BTG1: variants seen among roughly 807,000 people sequenced by gnomAD.
BTG1 encodes the protein BTG anti-proliferation factor 1, also known as protein BTG1.
In BTG1, 2 loss-of-function variants were observed where a neutral mutation model predicts 15.2. The ratio of observed to expected loss-of-function variants is 0.13; its 90% CI spans 0.05 to 0.41. BTG1 has a LOEUF of 0.41. Ranked by LOEUF, BTG1 falls within the 10% of genes least tolerant of loss-of-function variation. The pLI is 0.99. For missense variants in BTG1, 149 were observed against 215.0 expected (o/e 0.69, Z 1.92); for synonymous variants, 109 against 82.4 (o/e 1.32, Z -1.75).
chr12:92,143,930 A>ATT lies in BTG1; in HGVS notation c.*148_*149dup, dbSNP rs11377023. On this transcript the variant is annotated 3_prime_UTR_variant, in exon 2 of 2. Transcript: ENST00000256015. ...CCAAACTATGGCACTGTCACTTAAA[A>ATT]TTTTTTTTTTTTTTACCATTCTATC... 125,868 of 798,976 alleles carry ATT rather than the reference A, an allele frequency of 0.16. 2,611 individuals are homozygous for ATT. Among genetic ancestry groups the ATT allele is most frequent in the Non-Finnish European group, 0.18 (96,160 of 540,414 alleles). 49.5% of individuals were successfully genotyped at this position (798,976 alleles called of 1,614,324 possible). A position where few individuals can be genotyped will look rare whatever the true frequency, so the allele number is the denominator to read the frequency against.
intron 1 of BTG1, 115 bp downstream of exon 1, chr12:92,145,273 G>A (rs1210859735): frequency 1.1e-5 from 15 of 1,311,652 alleles, no homozygotes; most frequent in African/African-American, 1.6e-5. Context: ...GTCCCGCGGC[G>A]GGGCCCAAGC....
intron 1 of BTG1, 59 bp downstream of exon 1, chr12:92,145,329 C>T (rs1011043716): frequency 5.6e-6 from 8 of 1,432,262 alleles, no homozygotes; most frequent in Non-Finnish European, 7.4e-6. Flanking sequence ...GCCCCGACGG[C>T]CGGACTCTGA....
In BTG1 at chr12:92,144,162, C is replaced by T. The variant is rs1306870459; in HGVS notation, c.434G>A (p.Ser145Asn). Residue 145 changes from serine to asparagine, a missense_variant, in exon 2 of 2, where the codon AGC becomes AAC. Around this residue, in one of 3 missense-constraint regions of BTG1, gnomAD observed 52 missense variants for 57.4 expected, o/e 0.91. Transcript: ENST00000256015. The stretch of plus-strand genomic sequence containing the variant: ...AAGTTCCTCCTTACAGCTGATTCGG[C>T]TGTCTACCATTTGCACGTTGGTGCT... The part of the protein sequence containing the change: ...QNSTNVQMVD[S>N]RISCKEELLL... 8 of 1,614,180 alleles carry T rather than the reference C, an allele frequency of 5.0e-6. No homozygotes were observed. Among genetic ancestry groups the T allele is most frequent in the Middle Eastern group, 1.7e-4 (1 of 6,026 alleles).
In BTG1 at chr12:92,143,424, G is replaced by A. The variant is rs1870378312; in HGVS notation, c.*656C>T. On this transcript the variant is annotated 3_prime_UTR_variant, in exon 2 of 2. Transcript: ENST00000256015. ...AAGCTAGCAAATGTACAGAGAGCTGGCTGGTGCTAACACCACAGTTGAGAC... is the reference window on the plus strand; with the variant it reads ...AAGCTAGCAAATGTACAGAGAGCTGACTGGTGCTAACACCACAGTTGAGAC... 4.3e-6 allele frequency: 1 copy of A among 233,428 alleles called. No homozygotes were observed. Among genetic ancestry groups the A allele is most frequent in the Non-Finnish European group, 8.5e-6 (1 of 117,926 alleles). The allele number at this position is 233,428 out of a possible 1,614,324, so 14.5% of individuals were successfully genotyped here.
intron 1 of BTG1, 187 bp downstream of exon 1, chr12:92,145,201 C>T (rs1870504831): frequency 1.2e-6 from 1 of 857,448 alleles, no homozygotes; most frequent in Non-Finnish European, 1.6e-6. Flanking sequence ...GGGCGCCCTC[C>T]GTCCAGCCCC....
chr12:92,145,794 A>C lies in BTG1; in HGVS notation c.-259T>G. On this transcript the variant is annotated 5_prime_UTR_variant, in exon 1 of 2. Coordinates refer to ENST00000256015, the MANE Select transcript of BTG1 (RefSeq NM_001731.3). ...GACCTCCCCAGCTGCCTCCGCCTCC[A>C]GCTCCGCAGCATTCGAAGATCTCAA... 3.7e-6 allele frequency: 1 copy of C among 270,098 alleles called. No individual in the cohort carries two copies. The highest frequency in any genetic ancestry group is 7.0e-6 in the Non-Finnish European group (1 of 143,774). The allele number at this position is 270,098 out of a possible 1,614,324, so 16.7% of individuals were successfully genotyped here.
In BTG1 at chr12:92,145,662, A is replaced by G. The variant is rs1592658478; in HGVS notation, c.-127T>C. 1.8e-6 allele frequency: 1 copy of G among 564,476 alleles called. No individual in the cohort carries two copies. The highest frequency in any genetic ancestry group is 2.7e-6 in the Non-Finnish European group (1 of 372,980). The allele number at this position is 564,476 out of a possible 1,614,324, so 35.0% of individuals were successfully genotyped here. A position where few individuals can be genotyped will look rare whatever the true frequency, so the allele number is the denominator to read the frequency against. The stretch of plus-strand genomic sequence containing the variant: ...GAGGAAGAGAGGGCGTGAGGGGCGG[A>G]CGACTACTTTTGTCTTTCTTTCTTT... On this transcript the variant is annotated 5_prime_UTR_variant, in exon 1 of 2. Coordinates refer to ENST00000256015, the MANE Select transcript of BTG1 (RefSeq NM_001731.3).
Position 92,141,572 on chromosome 12 carries a change from A to T in BTG1, c.*2508T>A, listed in dbSNP as rs1176971323. On this transcript the variant is annotated 3_prime_UTR_variant, in exon 2 of 2. Coordinates refer to ENST00000256015, the MANE Select transcript of BTG1 (RefSeq NM_001731.3). ...ATTTTGAAAGTAGTCATCCTATCTT[A>T]AAAGGATTTATAATAAAATATTTCA... 4.3e-6 allele frequency: 1 copy of T among 231,056 alleles called. No individual in the cohort carries two copies. Among genetic ancestry groups the T allele is most frequent in the Non-Finnish European group, 8.6e-6 (1 of 116,768 alleles). 14.3% of individuals were successfully genotyped at this position (231,056 alleles called of 1,614,324 possible).
In BTG1 at chr12:92,143,693, C is replaced by A. The variant is rs886844627; in HGVS notation, c.*387G>T. 2.3e-5 allele frequency: 6 copies of A among 261,112 alleles called. No individual in the cohort carries two copies. The highest frequency in any genetic ancestry group is 1.3e-4 in the African/African-American group (6 of 45,560). 16.2% of individuals were successfully genotyped at this position (261,112 alleles called of 1,614,324 possible). A position where few individuals can be genotyped will look rare whatever the true frequency, so the allele number is the denominator to read the frequency against. Reference sequence around the variant, plus strand: ...AAGCTGCCGAAAAGGTTAACAATAACAACTTTCAAGTGTAATAGTGCAAAT... The same window carrying A: ...AAGCTGCCGAAAAGGTTAACAATAAAAACTTTCAAGTGTAATAGTGCAAAT... On this transcript the variant is annotated 3_prime_UTR_variant, in exon 2 of 2. Transcript: ENST00000256015.
chr12:92,145,602 G>T lies in BTG1; in HGVS notation c.-67C>A, dbSNP rs1049979. On this transcript the variant is annotated 5_prime_UTR_variant, in exon 1 of 2. It adds an upstream start codon to the 5' untranslated region. Transcript: ENST00000256015. ...GCGGCGCGGCCCCGACGGCGGAGCA[G>T]CCACCCCGGGCTTCCTCACCGGGCG... 2 of 1,167,968 alleles carry T rather than the reference G, an allele frequency of 1.7e-6. No individual in the cohort carries two copies. Among genetic ancestry groups the T allele is most frequent in the African/African-American group, 1.6e-5 (1 of 61,542 alleles). 72.4% of individuals were successfully genotyped at this position (1,167,968 alleles called of 1,614,324 possible). A position where few individuals can be genotyped will look rare whatever the true frequency, so the allele number is the denominator to read the frequency against.
rs1337013265 is a variant in BTG1 at position 92,140,639 on chromosome 12, CT to C, written c.*3440del. On this transcript the variant is annotated 3_prime_UTR_variant, in exon 2 of 2. Coordinates refer to ENST00000256015, the MANE Select transcript of BTG1 (RefSeq NM_001731.3). The stretch of plus-strand genomic sequence containing the variant: ...TCGGCTGGTATTACAAACTATCTTA[CT>C]GTAAAAGATTTTGTGATACTGTTAT... 2 of 231,926 alleles carry C rather than the reference CT, an allele frequency of 8.6e-6. No individual in the cohort carries two copies. The highest frequency in any genetic ancestry group is 6.1e-5 in the East Asian group (1 of 16,384). The allele number at this position is 231,926 out of a possible 1,614,324, so 14.4% of individuals were successfully genotyped here.
Position 92,145,447 on chromosome 12 carries a change from C to T in BTG1, c.89G>A (p.Gly30Glu). The T allele has an allele frequency of 1.3e-6, 2 of 1,592,274 alleles. No individual in the cohort carries two copies. The highest frequency in any genetic ancestry group is 1.7e-6 in the Non-Finnish European group (2 of 1,170,782). Residue 30 changes from glycine (G) to glutamate (E), a missense_variant, in exon 1 of 2, where the codon GGG (glycine) becomes GAG (glutamate). Gly to Glu is a moderately conservative substitution (Grantham distance 98, BLOSUM62 -2). Coordinates refer to ENST00000256015, the MANE Select transcript of BTG1 (RefSeq NM_001731.3). ...CTGCAGCTGTCGCTCGCTCGTGAGC[C>T]CCTTGGTGCGGAGAAACTTGGAGAT... Reference protein sequence around the residue: ...SFISKFLRTKGLTSERQLQTF... With the variant: ...SFISKFLRTKELTSERQLQTF...
chr12:92,144,453 G>C lies in BTG1; in HGVS notation c.149-6C>G, dbSNP rs200463735. 122 of 1,611,362 alleles carry C rather than the reference G, an allele frequency of 7.6e-5. No individual in the cohort carries two copies. Among genetic ancestry groups the C allele is most frequent in the Middle Eastern group, 3.3e-4 (2 of 6,054 alleles). On this transcript the variant is annotated splice_region_variant and splice_polypyrimidine_tract_variant and intron_variant, in intron 1 of 1. Transcript: ENST00000256015. Reference sequence around the variant, plus strand: ...CCAGTGATGTTTATAATGTTCTATAGAAGAAAAGAAGAACAGAGAAACAAC... The same window carrying C: ...CCAGTGATGTTTATAATGTTCTATACAAGAAAAGAAGAACAGAGAAACAAC...
In BTG1 at chr12:92,143,047, A is replaced by G. The variant is rs963839460; in HGVS notation, c.*1033T>C. 2 of 232,898 alleles carry G rather than the reference A, an allele frequency of 8.6e-6. No individual in the cohort carries two copies. The highest frequency in any genetic ancestry group is 1.1e-4 in the Admixed American group (2 of 17,778). 14.4% of individuals were successfully genotyped at this position (232,898 alleles called of 1,614,324 possible). ...TTTTCCAGCATGACCAGTGTGCAAC[A>G]GAGATTCAGTTTATAGAACCTGTCT... On this transcript the variant is annotated 3_prime_UTR_variant, in exon 2 of 2. Coordinates refer to ENST00000256015, the MANE Select transcript of BTG1 (RefSeq NM_001731.3).
chr12:92,145,186 G>C, intron 1 of BTG1: 1 of 706,352 alleles, frequency 1.4e-6, no homozygotes, highest in Non-Finnish European at 2.0e-6. Flanking sequence ...CAGCTGGGGG[G>C]AAGGGGGCGC....
rs747166655 is a variant in BTG1, at chr12:92,144,458, A to T, written c.149-11T>A. On this transcript the variant is annotated splice_polypyrimidine_tract_variant and intron_variant, in intron 1 of 1. Transcript: ENST00000256015. Reference sequence around the variant, plus strand: ...GATGTTTATAATGTTCTATAGAAGAAAAGAAGAACAGAGAAACAACGCTTA... The same window carrying T: ...GATGTTTATAATGTTCTATAGAAGATAAGAAGAACAGAGAAACAACGCTTA... The T allele has an allele frequency of 6.2e-7, 1 of 1,610,856 alleles. No individual in the cohort carries two copies. The highest frequency in any genetic ancestry group is 8.5e-7 in the Non-Finnish European group (1 of 1,179,236).
At position 92,143,765 on chromosome 12, in the gene BTG1, T is replaced by G. The variant is rs28399545; in HGVS notation, c.*315A>C. 1.0e-4 allele frequency: 31 copies of G among 303,894 alleles called. No homozygotes were observed. Among genetic ancestry groups the G allele is most frequent in the Non-Finnish European group, 1.6e-4 (26 of 164,380 alleles). 18.8% of individuals were successfully genotyped at this position (303,894 alleles called of 1,614,324 possible). On this transcript the variant is annotated 3_prime_UTR_variant, in exon 2 of 2. Coordinates refer to ENST00000256015, the MANE Select transcript of BTG1 (RefSeq NM_001731.3). ...GAGAAAGATTCTTTGAAATACAGAT[T>G]TTCTTTAAAAGGATTGATGTAAAAA...
Position 92,144,338 on chromosome 12 carries a change from C to A in BTG1, c.258G>T (p.Arg86=). ...MDPLIGQAAQ[R]IGLSSQELFR... is the part of the protein sequence containing the mutation. ...ACAGCTCCTGACTGCTCAGTCCAAT[C>A]CGCTGTGCTGCCTGTCCAATCAGAG... is the stretch of plus-strand genomic sequence containing the variant. Residue 86 remains arginine, a synonymous_variant, in exon 2 of 2, where the codon CGG becomes CGT. Coordinates refer to ENST00000256015, the MANE Select transcript of BTG1 (RefSeq NM_001731.3). 3.1e-6 allele frequency: 5 copies of A among 1,614,232 alleles called. No individual in the cohort carries two copies. Among genetic ancestry groups the A allele is most frequent in the Non-Finnish European group, 3.4e-6 (4 of 1,180,036 alleles).
chr12:92,145,226 G>T, intron 1 of BTG1, 162 bp downstream of exon 1: 2 of 1,143,834 alleles, frequency 1.7e-6, no homozygotes, highest in Non-Finnish European at 2.3e-6. Flanking sequence ...GCCTCGCGGG[G>T]AACCGCTGTT....
Sources: allele counts gnomAD v4.1 joint callset, GRCh38; gene constraint gnomAD v4.1.1; regional missense constraint gnomAD v4.1.1; transcripts MANE v1.5; gene names NCBI Gene and HGNC (gene_info 2026-07-23, HGNC 2026-07-21).